Variants in PRKAG2 observed in about 807,000 individuals in gnomAD.
PRKAG2 encodes the protein protein kinase AMP-activated non-catalytic subunit gamma 2, also known as 5'-AMP-activated protein kinase subunit gamma-2.
Under a neutral mutation model 69.6 loss-of-function variants are expected in PRKAG2, and 26 were observed. That is an observed-to-expected ratio of 0.37 (90% CI 0.27 to 0.52). The LOEUF (loss-of-function observed/expected upper bound fraction) is 0.52, where lower values mean the gene tolerates loss of function less well. Ranked by LOEUF, PRKAG2 falls within the 20% of genes least tolerant of loss-of-function variation. The pLI is 0.90. For synonymous variants in PRKAG2, 293 were observed against 285.0 expected (o/e 1.03, Z -0.28); for missense variants, 557 against 740.0 (o/e 0.75, Z 2.87).
At chr7:151,798,427 G>A (rs2077667767) in intron 1 of PRKAG2, among the ~76,000 whole-genome samples, 1 of 151,976 alleles carries the variant, frequency 6.6e-6, no homozygotes. Context: ...CGATTCTCAT[G>A]CCTCAGTCTC....
chr7:151,573,423 A>G (rs757339981), intron 8 of PRKAG2, among the ~76,000 whole-genome samples: 10 of 130,082 alleles, frequency 7.7e-5, no homozygotes, highest in Non-Finnish European at 1.4e-4. Flanking sequence ...CAAGTGATCC[A>G]CCCTTCTCAG....
chr7:151,853,480 A>G (rs2079627792), intron 1 of PRKAG2, among the ~76,000 whole-genome samples: 1 of 152,204 alleles, frequency 6.6e-6, no homozygotes, highest in South Asian at 2.1e-4. Context: ...GTTAGAAAAT[A>G]GTCAAATATG....
In PRKAG2 at chr7:151,632,220, T is replaced by C. The variant is rs1431957645; in HGVS notation, c.685-82A>G. 1.5e-5 allele frequency: 17 copies of C among 1,125,852 alleles called. No homozygotes were observed. In the East Asian group the frequency reaches 7.4e-4, roughly 49 times the overall value. 69.7% of individuals were successfully genotyped at this position (1,125,852 alleles called of 1,614,324 possible). A position where few individuals can be genotyped will look rare whatever the true frequency, so the allele number is the denominator to read the frequency against. On this transcript the variant is annotated intron_variant, in intron 4 of 15. Transcript: ENST00000287878. The surrounding 1 kb of genome is among the most constrained non-coding windows in gnomAD (Gnocchi z 4.2). ...GGCGGGCTCGCGGCCGGCCGAGCGC[T>C]GGGGCCTGGCTCTGCCGCGCCGCCG...
At chr7:151,783,779 C>G (rs1330334823) in intron 2 of PRKAG2, among the ~76,000 whole-genome samples, 3 of 151,474 alleles carry the variant, frequency 2.0e-5, no homozygotes, top group Non-Finnish European at 4.4e-5. Context: ...GGTGTGGTGG[C>G]CTGTAGTCCC....
chr7:151,742,938 G>C (rs1454380654), intron 3 of PRKAG2, among the ~76,000 whole-genome samples: 2 of 152,208 alleles, frequency 1.3e-5, no homozygotes, highest in African/African-American at 2.4e-5. Flanking sequence ...GGGAGAGATG[G>C]CGCCTTCCCA....
At chr7:151,868,138 T>A (rs1004903369) in intron 1 of PRKAG2, among the ~76,000 whole-genome samples, 1 of 152,210 alleles carries the variant, frequency 6.6e-6, no homozygotes, top group Non-Finnish European at 1.5e-5. Context: ...TGATAGCCGA[T>A]TGGTCCGTGA....
At chr7:151,610,416 C>A (rs768639558) in intron 5 of PRKAG2, among the ~76,000 whole-genome samples, 3 of 150,314 alleles carry the variant, frequency 2.0e-5, no homozygotes, top group Non-Finnish European at 4.4e-5. Flanking sequence ...CGGTGGCTTA[C>A]GGCTGTAATC....
At chr7:151,776,805 C>A (rs1165810252) in intron 3 of PRKAG2, among the ~76,000 whole-genome samples, 2 of 152,300 alleles carry the variant, frequency 1.3e-5, no homozygotes, top group Middle Eastern at 3.4e-3. Flanking sequence ...GGCTCATATA[C>A]CCCAGTGTGT....
chr7:151,747,010 G>A (rs780387054), intron 3 of PRKAG2, among the ~76,000 whole-genome samples: 2 of 152,160 alleles, frequency 1.3e-5, no homozygotes, highest in Non-Finnish European at 2.9e-5. Flanking sequence ...AACTTTATTC[G>A]CAGCAAATTG....
rs1021358814 is a variant in PRKAG2 at position 151,649,500 on chromosome 7, T to C, written c.685-17362A>G. On this transcript the variant is annotated intron_variant, in intron 4 of 15. Transcript: ENST00000287878. ...CCAACTTTTGTCATGTTGGTTGTGC[T>C]TGATATGGTTTGGATCTGTGTCCCC... Among the ~76,000 whole-genome samples, 9 of 152,210 alleles carry C rather than the reference T, an allele frequency of 5.9e-5. No individual in the cohort carries two copies. The East Asian group carries it at 1.7e-3, about 29-fold the overall frequency.
At chr7:151,692,408 C>A (rs1029281264) in intron 3 of PRKAG2, among the ~76,000 whole-genome samples, 1 of 151,748 alleles carries the variant, frequency 6.6e-6, no homozygotes, top group Non-Finnish European at 1.5e-5. Flanking sequence ...AAAATTATAG[C>A]GGACAGAAAA....
intron 4 of PRKAG2, chr7:151,674,878 C>T (rs1832652892): frequency 6.0e-6 from 1 of 166,070 alleles, no homozygotes; most frequent in Non-Finnish European, 1.3e-5. Context: ...AAAAAACCTC[C>T]TCCTGGTCAT....
At chr7:151,869,403 A>G (rs2080160112) in intron 1 of PRKAG2, among the ~76,000 whole-genome samples, 2 of 152,248 alleles carry the variant, frequency 1.3e-5, no homozygotes, top group Admixed American at 6.5e-5. Flanking sequence ...GCAGAGATGC[A>G]TATTTCACCT....
chr7:151,815,364 T>C (rs1384238240), intron 1 of PRKAG2, among the ~76,000 whole-genome samples: 2 of 152,098 alleles, frequency 1.3e-5, no homozygotes, highest in Admixed American at 6.5e-5. Context: ...AAGCAACTCA[T>C]CTGTGAGCTT....
chr7:151,668,562 T>G (rs909303970), intron 4 of PRKAG2, among the ~76,000 whole-genome samples: 2 of 152,188 alleles, frequency 1.3e-5, no homozygotes, highest in African/African-American at 4.8e-5. Context: ...GCAGGATCGT[T>G]CTTGGGTGAT....
chr7:151,588,310 G>A (rs192394894), intron 6 of PRKAG2, among the ~76,000 whole-genome samples: 8 of 152,178 alleles, frequency 5.3e-5, no homozygotes, highest in African/African-American at 1.7e-4. Context: ...TGAATCATGG[G>A]GGGGAGTCTT....
In PRKAG2 at chr7:151,719,854, C is replaced by T. The variant is rs1438919941; in HGVS notation, c.467-44217G>A. Among the ~76,000 whole-genome samples, 1 of 152,194 alleles carries T rather than the reference C, an allele frequency of 6.6e-6. No individual in the cohort carries two copies. The highest frequency in any genetic ancestry group is 1.5e-5 in the Non-Finnish European group (1 of 68,048). On this transcript the variant is annotated intron_variant, in intron 3 of 15. Transcript: ENST00000287878. This position sits in a 1 kb window ranked among gnomAD's most constrained non-coding sequence, Gnocchi z 5.2. ...GGGCTCCAAGTAACGCCTTCCCTGG[C>T]CCCTGTGCCTACTGAGGTAGTTCTG...
At chr7:151,609,903 G>A (rs538133494) in intron 5 of PRKAG2, among the ~76,000 whole-genome samples, 4 of 152,180 alleles carry the variant, frequency 2.6e-5, no homozygotes, top group South Asian at 2.1e-4. Flanking sequence ...CTCACCACAC[G>A]ATCTGGGTGA....
chr7:151,653,035 A>C (rs184011175), intron 4 of PRKAG2, among the ~76,000 whole-genome samples: 1 of 149,230 alleles, frequency 6.7e-6, no homozygotes, highest in African/African-American at 2.6e-5. Context: ...CGCTAATGAA[A>C]GTTAAAGGAA....
Sources: gnomAD v4.1 joint callset for allele counts (sites outside exome capture counted in the v4.1 genomes callset) on GRCh38, gnomAD v4.1.1 for gene constraint, Gnocchi (gnomAD v3.1) non-coding constraint, MANE v1.5 for transcripts, NCBI Gene and HGNC (gene_info 2026-07-23, HGNC 2026-07-21) for gene names.